TUT4: variants seen among roughly 807,000 people sequenced by gnomAD.
TUT4 encodes terminal uridylyltransferase 4.
In TUT4, 36 loss-of-function variants were observed where a neutral mutation model predicts 192.2. The observed-to-expected ratio is 0.19, with a 90% CI of 0.14 to 0.25. The LOEUF is 0.25. TUT4 is among the 10% of genes least tolerant of loss of function. The pLI, the probability that TUT4 is intolerant of heterozygous loss-of-function variation, is 1.00. For synonymous variants in TUT4, 618 were observed against 666.0 expected, an observed-to-expected ratio of 0.93 and a Z score of 1.11; for missense variants, 1,493 against 1,957.2, an observed-to-expected ratio of 0.76 and a Z score of 4.47.
At chr1:52,524,635 G>A (rs1189760465) in intron 2 of TUT4, among the ~76,000 whole-genome samples, 7 of 151,976 alleles carry the variant, frequency 4.6e-5, no homozygotes, top group Admixed American at 6.6e-5. Flanking sequence ...GTGAAATCCC[G>A]TCTCTACTAA....
chr1:52,439,208 C>A (rs555299436), intron 24 of TUT4, among the ~76,000 whole-genome samples: 4 of 151,786 alleles, frequency 2.6e-5, no homozygotes, highest in Non-Finnish European at 5.9e-5. Flanking sequence ...CCAGCCTGGA[C>A]GAAGTGGCGA....
At chr1:52,520,773 C>T (rs1406772757) in intron 2 of TUT4, among the ~76,000 whole-genome samples, 1 of 152,034 alleles carries the variant, frequency 6.6e-6, no homozygotes, top group African/African-American at 2.4e-5. Flanking sequence ...AACCACCTTA[C>T]TTAACTTACT....
intron 3 of TUT4, among the ~76,000 whole-genome samples, chr1:52,510,888 C>T (rs1015579928): frequency 4.6e-5 from 7 of 152,154 alleles, no homozygotes; most frequent in African/African-American, 1.7e-4. Context: ...CAACATTCTA[C>T]GCAGATTACA....
At chr1:52,510,161 AT>A (rs766873701) in intron 3 of TUT4, among the ~76,000 whole-genome samples, 20 of 151,808 alleles carry the variant, frequency 1.3e-4, no homozygotes, top group South Asian at 2.1e-4. Context: ...AAAATACAAA[AT>A]TTAGCCGTGC....
chr1:52,486,969 A>G (rs933623475), intron 9 of TUT4, among the ~76,000 whole-genome samples: 1 of 152,216 alleles, frequency 6.6e-6, no homozygotes, highest in Non-Finnish European at 1.5e-5. Flanking sequence ...TATGACCACA[A>G]AAAAAATTAG....
intron 1 of TUT4, among the ~76,000 whole-genome samples, chr1:52,537,544 A>G (rs1261403192): frequency 6.6e-6 from 1 of 152,236 alleles, no homozygotes; most frequent in Admixed American, 6.5e-5. Context: ...GGAGACTTCA[A>G]TACCCCACTT....
At position 52,428,126 on chromosome 1, in the gene TUT4, T is replaced by G. The variant is rs114208718; in HGVS notation, c.4712-2619A>C. Among the ~76,000 whole-genome samples the G allele has an allele frequency of 3.9e-3, 596 of 152,230 alleles. 4 individuals carry two copies. The highest frequency in any genetic ancestry group is 0.014 in the African/African-American group (565 of 41,532). On this transcript the variant is annotated intron_variant, in intron 28 of 29. Transcript: ENST00000257177. The stretch of plus-strand genomic sequence containing the variant: ...TGTTATAAAGGACAGTTAAGAGAGA[T>G]AAAAATCAAAGAGATATAAAAACCA...
At position 52,465,073 on chromosome 1, in the gene TUT4, T is replaced by C. The variant is rs909629952; in HGVS notation, c.3066A>G (p.Ala1022=). Residue 1022 remains alanine, a synonymous_variant, in exon 16 of 30, where the codon GCA becomes GCG. Coordinates refer to ENST00000257177, the MANE Select transcript of TUT4 (RefSeq NM_001009881.3). The stretch of plus-strand genomic sequence containing the variant: ...AACGCTTTCCAAACACTCTTACCTC[T>C]GCATTTTCATGGCCTTCCAGGGTCA... ...ICMTLEGHEN[A]EKLNCKEIIE... The C allele has an allele frequency of 6.2e-7, 1 of 1,609,756 alleles. No individual in the cohort carries two copies. The highest frequency in any genetic ancestry group is 8.5e-7 in the Non-Finnish European group (1 of 1,178,356).
chr1:52,535,306 C>T (rs774921500), intron 1 of TUT4, among the ~76,000 whole-genome samples: 8 of 151,868 alleles, frequency 5.3e-5, no homozygotes, highest in Non-Finnish European at 1.2e-4. Flanking sequence ...TCTTTTTGTT[C>T]TCCTTCCTAG....
intron 19 of TUT4, among the ~76,000 whole-genome samples, chr1:52,460,193 T>G (rs183305538): frequency 4.6e-5 from 7 of 152,200 alleles, no homozygotes; most frequent in Admixed American, 2.6e-4. Context: ...TACAGGAATA[T>G]CTTTAAAAAT....
At position 52,425,459 on chromosome 1, in the gene TUT4, G is replaced by T; in HGVS notation, c.4760C>A (p.Pro1587Gln). The T allele has an allele frequency of 6.2e-7, 1 of 1,614,002 alleles. No homozygotes were observed. The highest frequency in any genetic ancestry group is 1.1e-5 in the South Asian group (1 of 91,068). ...TGGGACAAGGGGGAAATGGGGACGC[G>T]GTGCATGTTCCCAAGGAATTGGAGG... The part of the protein sequence containing the change: ...LTPPIPWEHA[P>Q]RPHFPLVPAS... The change falls in exon 29 of 30, where the codon CCG becomes CAG. Residue 1587 changes from proline to glutamine, a missense_variant. Coordinates refer to ENST00000257177, the MANE Select transcript of TUT4 (RefSeq NM_001009881.3).
chr1:52,502,381 G>A (rs1452305519), intron 4 of TUT4, among the ~76,000 whole-genome samples: 3 of 151,904 alleles, frequency 2.0e-5, no homozygotes, highest in African/African-American at 7.3e-5. Flanking sequence ...GTATCCACCT[G>A]GTAAAACTAA....
chr1:52,476,714 T>C (rs921475780), intron 12 of TUT4, among the ~76,000 whole-genome samples: 1 of 152,222 alleles, frequency 6.6e-6, no homozygotes, highest in Non-Finnish European at 1.5e-5. Context: ...GCTCATTTAT[T>C]TACTATATAT....
intron 3 of TUT4, 146 bp from the exon 4 acceptor site, chr1:52,509,858 T>G: frequency 1.5e-6 from 1 of 663,646 alleles, no homozygotes; most frequent in South Asian, 1.7e-5. Context: ...TCTAAAGTAA[T>G]AGTTTTTAAT....
chr1:52,440,433 GTTTTTT>G (rs908687717), intron 24 of TUT4, among the ~76,000 whole-genome samples: 2 of 110,186 alleles, frequency 1.8e-5, no homozygotes, highest in African/African-American at 3.2e-5. Flanking sequence ...CCCATCCTGT[GTTTTTT>G]TTTTTTTTTT....
chr1:52,455,757 TA>T (rs1183688578), intron 20 of TUT4, among the ~76,000 whole-genome samples: 1 of 151,476 alleles, frequency 6.6e-6, no homozygotes, highest in African/African-American at 2.4e-5. Context: ...ACTACACACC[TA>T]AAAGAATGGC....
chr1:52,496,807 A>C (rs74080969), intron 5 of TUT4, among the ~76,000 whole-genome samples, 199 bp downstream of exon 5: 1 of 151,016 alleles, frequency 6.6e-6, no homozygotes, highest in African/African-American at 2.5e-5. Flanking sequence ...TTTTTTTCTT[A>C]GTACAAAAGT....
intron 4 of TUT4, among the ~76,000 whole-genome samples, chr1:52,509,285 A>G (rs1676463518): frequency 6.6e-6 from 1 of 152,208 alleles, no homozygotes; most frequent in Non-Finnish European, 1.5e-5. Context: ...GGCAGGAACC[A>G]CAACTATCTT....
At chr1:52,509,201 C>T (rs1345093238) in intron 4 of TUT4, among the ~76,000 whole-genome samples, 3 of 152,112 alleles carry the variant, frequency 2.0e-5, no homozygotes, top group Non-Finnish European at 4.4e-5. Flanking sequence ...GCACAATCTT[C>T]CCCCCCTAAC....
Sources: allele counts gnomAD v4.1 joint callset (sites outside exome capture counted in the v4.1 genomes callset), GRCh38; gene constraint gnomAD v4.1.1; transcripts MANE v1.5; gene names NCBI Gene and HGNC (gene_info 2026-07-23, HGNC 2026-07-21).